NAALADL2: variants seen among roughly 807,000 people sequenced by gnomAD.
The protein encoded by NAALADL2 is N-acetylated alpha-linked acidic dipeptidase like 2.
A neutral mutation model predicts 87.2 loss-of-function variants in NAALADL2; 76 were observed. The ratio of observed to expected loss-of-function variants is 0.87; its 90% CI spans 0.72 to 1.05. The LOEUF (loss-of-function observed/expected upper bound fraction) is 1.05, where lower values mean the gene tolerates loss of function less well. NAALADL2 is among the 50% of genes least tolerant of loss of function. NAALADL2 has a pLI of 0.00. For missense variants in NAALADL2, 1,089 were observed against 945.8 expected, an observed-to-expected ratio of 1.15 and a Z score of -1.99; for synonymous variants, 354 against 331.0, an observed-to-expected ratio of 1.07 and a Z score of -0.75.
chr3:175,447,265 C>T lies in NAALADL2; in HGVS notation c.1127C>T (p.Ser376Phe). ...SFRQSRSNLT[S>F]LLVQPISAPL... Reference sequence around the variant, plus strand: ...AGACAAAGCCGATCAAACCTCACCTCTCTATTAGTGCAGCCCATCTCTGCA... The same window carrying T: ...AGACAAAGCCGATCAAACCTCACCTTTCTATTAGTGCAGCCCATCTCTGCA... Residue 376 changes from serine to phenylalanine, a missense_variant, in exon 6 of 14, where the codon TCT becomes TTT. Transcript: ENST00000454872. 1 of 1,603,996 alleles carries T rather than the reference C, an allele frequency of 6.2e-7. No individual in the cohort carries two copies. The highest frequency in any genetic ancestry group is 8.5e-7 in the Non-Finnish European group (1 of 1,175,580).
chr3:175,590,770 C>T (rs1159125963), intron 10 of NAALADL2, among the ~76,000 whole-genome samples: 2 of 152,140 alleles, frequency 1.3e-5, no homozygotes, highest in Admixed American at 6.5e-5. Flanking sequence ...CATAGAAGTT[C>T]CGAAAAGGGT....
At chr3:175,310,793 C>A (rs907191439) in intron 4 of NAALADL2, among the ~76,000 whole-genome samples, 5 of 151,882 alleles carry the variant, frequency 3.3e-5, no homozygotes, top group Non-Finnish European at 5.9e-5. Flanking sequence ...CATATATAAG[C>A]ACTAAAAATA....
intron 5 of NAALADL2, among the ~76,000 whole-genome samples, chr3:175,333,600 TG>T (rs1228028966): frequency 6.6e-6 from 1 of 152,134 alleles, no homozygotes; most frequent in Admixed American, 6.5e-5. Flanking sequence ...CTTACTCATA[TG>T]TAGGAGCTAA....
At chr3:174,643,141 G>T (rs1036158002) in intron 2 of NAALADL2, among the ~76,000 whole-genome samples, 23 of 152,096 alleles carry the variant, frequency 1.5e-4, no homozygotes, top group African/African-American at 5.3e-4. Context: ...ACTTGTTCAA[G>T]ATTTATTGAG....
At chr3:175,559,308 GT>G (rs371873990) in intron 9 of NAALADL2, among the ~76,000 whole-genome samples, 19,585 of 151,934 alleles carry the variant, frequency 0.13, 1,342 homozygotes, top group Middle Eastern at 0.17. Context: ...TTGTTTACTA[GT>G]TTTTAAAGTT....
intron 1 of NAALADL2, among the ~76,000 whole-genome samples, chr3:175,068,523 G>T (rs1714969200): frequency 6.6e-6 from 1 of 152,126 alleles, no homozygotes; most frequent in Non-Finnish European, 1.5e-5. Context: ...GAGATAAGGA[G>T]ATTCTTCCAT....
At chr3:175,470,457 A>G (rs1724692706) in intron 8 of NAALADL2, among the ~76,000 whole-genome samples, 1 of 152,128 alleles carries the variant, frequency 6.6e-6, no homozygotes, top group African/African-American at 2.4e-5. Context: ...ATCACTTTGT[A>G]CTCCATAAAA....
intron 3 of NAALADL2, among the ~76,000 whole-genome samples, chr3:174,787,604 T>TGTATAC (rs1716928379): frequency 2.3e-5 from 2 of 87,944 alleles, no homozygotes; most frequent in African/African-American, 7.3e-5. Context: ...TATATATATA[T>TGTATAC]ATATATATAT....
intron 1 of NAALADL2, among the ~76,000 whole-genome samples, chr3:175,012,092 C>G (rs1319370042): frequency 2.0e-5 from 3 of 152,122 alleles, no homozygotes; most frequent in African/African-American, 7.2e-5. Context: ...GCAAAATTCC[C>G]TATACGGGAG....
intron 1 of NAALADL2, among the ~76,000 whole-genome samples, chr3:174,883,880 T>C (rs1015670678): frequency 6.6e-6 from 1 of 152,158 alleles, no homozygotes; most frequent in African/African-American, 2.4e-5. Flanking sequence ...GGCATGGTAA[T>C]ACTAAGAGAC....
intron 10 of NAALADL2, among the ~76,000 whole-genome samples, chr3:175,591,058 G>A (rs775324081): frequency 4.6e-5 from 7 of 152,062 alleles, no homozygotes; most frequent in Non-Finnish European, 8.8e-5. Context: ...GACTCATACG[G>A]CATTGCACTC....
intron 2 of NAALADL2, among the ~76,000 whole-genome samples, chr3:174,570,465 T>C (rs1714797887): frequency 1.3e-5 from 2 of 152,298 alleles, no homozygotes; most frequent in African/African-American, 4.8e-5. Context: ...TATTTTAAAA[T>C]CATAAAAGTT....
At chr3:174,573,476 TCC>T (rs2108540735) in intron 2 of NAALADL2, among the ~76,000 whole-genome samples, 1 of 152,222 alleles carries the variant, frequency 6.6e-6, no homozygotes, top group South Asian at 2.1e-4. Context: ...ACTGTCTCAG[TCC>T]ATTTTTGTGT....
intron 1 of NAALADL2, among the ~76,000 whole-genome samples, chr3:174,880,409 C>G (rs1467518954): frequency 6.6e-6 from 1 of 152,096 alleles, no homozygotes; most frequent in Non-Finnish European, 1.5e-5. Context: ...CATTTAGTCC[C>G]TTTGGAAATG....
At chr3:174,531,346 G>A (rs944493648) in intron 1 of NAALADL2, among the ~76,000 whole-genome samples, 5 of 151,768 alleles carry the variant, frequency 3.3e-5, no homozygotes, top group Non-Finnish European at 7.4e-5. Context: ...AGCACTCATC[G>A]GTGCAAGAGT....
intron 10 of NAALADL2, among the ~76,000 whole-genome samples, chr3:175,588,310 G>T (rs906241376): frequency 6.6e-6 from 1 of 152,072 alleles, no homozygotes; most frequent in Non-Finnish European, 1.5e-5. Context: ...GTTTTAAAAG[G>T]TGTAGCTGTT....
At chr3:175,682,590 C>T (rs1056141949) in intron 11 of NAALADL2, among the ~76,000 whole-genome samples, 6 of 151,170 alleles carry the variant, frequency 4.0e-5, no homozygotes, top group Non-Finnish European at 5.9e-5. Context: ...GAGACAATGG[C>T]AGAAATGTAG....
intron 11 of NAALADL2, among the ~76,000 whole-genome samples, chr3:175,726,080 A>G (rs1742876859): frequency 6.6e-6 from 1 of 152,138 alleles, no homozygotes; most frequent in African/African-American, 2.4e-5. Context: ...TATGACTAGC[A>G]GAAAACACAA....
intron 1 of NAALADL2, among the ~76,000 whole-genome samples, chr3:174,868,867 A>G (rs1279154781): frequency 6.6e-6 from 1 of 152,168 alleles, no homozygotes; most frequent in Non-Finnish European, 1.5e-5. Context: ...GGATGGAAAT[A>G]AAGCTTTAGG....
Sources: gnomAD v4.1 joint callset for allele counts (sites outside exome capture counted in the v4.1 genomes callset) on GRCh38, gnomAD v4.1.1 for gene constraint, MANE v1.5 for transcripts, NCBI Gene and HGNC (gene_info 2026-07-23, HGNC 2026-07-21) for gene names.